The following PTPRT variants were observed in gnomAD, a reference collection of about 807,000 sequenced individuals.
PTPRT encodes receptor-type tyrosine-protein phosphatase T.
Under a neutral mutation model 176.8 loss-of-function variants are expected in PTPRT, and 56 were observed. The ratio of observed to expected loss-of-function variants is 0.32; its 90% CI spans 0.26 to 0.40. The LOEUF (loss-of-function observed/expected upper bound fraction) is 0.40. Ranked by LOEUF, PTPRT falls within the 10% of genes least tolerant of loss-of-function variation. The pLI is 1.00. For synonymous variants in PTPRT, 783 were observed against 739.0 expected (o/e 1.06, Z -0.96); for missense variants, 1,540 against 1,908.2 (o/e 0.81, Z 3.60).
intron 1 of PTPRT, among the ~76,000 whole-genome samples, chr20:43,113,690 A>G (rs1335785340): frequency 6.6e-6 from 1 of 152,196 alleles, no homozygotes; most frequent in Admixed American, 6.5e-5. Context: ...CGAACCAAGG[A>G]TAGACTTAAA....
At chr20:42,068,083 A>G (rs566375078), downstream of PTPRT, among the ~76,000 whole-genome samples, 3 of 152,178 alleles carry the variant, frequency 2.0e-5, no homozygotes, top group African/African-American at 7.2e-5. Context: ...GAGAGGAGGA[A>G]GCATTTGTTC....
intron 8 of PTPRT, 59 bp from the exon 9 acceptor site, chr20:42,448,388 G>A (rs41279246): frequency 0.015 from 19,868 of 1,338,844 alleles, 180 homozygotes; most frequent in Non-Finnish European, 0.018. Context: ...CTCCAGCCCC[G>A]CTGACCTAGA....
rs944036684 is a variant in PTPRT at position 42,211,189 on chromosome 20, A to T, written c.2343-11801T>A. On this transcript the variant is annotated intron_variant, in intron 15 of 30. Coordinates refer to ENST00000373187, the MANE Select transcript of PTPRT (RefSeq NM_007050.6). ...TAAACGTTAGACCTAAAACCATAAA[A>T]ACCCTAGAAGGAAACCTAGGCATTA... Among the ~76,000 whole-genome samples, 294 of 152,322 alleles carry T rather than the reference A, an allele frequency of 1.9e-3. 3 individuals carry two copies. Among genetic ancestry groups the T allele is most frequent in the African/African-American group, 6.6e-3 (274 of 41,556 alleles).
At chr20:42,825,482 CA>C (rs1480444071) in intron 2 of PTPRT, among the ~76,000 whole-genome samples, 76 of 152,116 alleles carry the variant, frequency 5.0e-4, no homozygotes, top group African/African-American at 1.8e-3. Context: ...AGCCATGTAA[CA>C]GGACTTATAG....
intron 7 of PTPRT, among the ~76,000 whole-genome samples, chr20:42,593,058 A>C (rs910926851): frequency 2.0e-5 from 3 of 152,188 alleles, no homozygotes; most frequent in African/African-American, 4.8e-5. Flanking sequence ...TCTTCCGACT[A>C]AGTAATAGGG....
intron 6 of PTPRT, among the ~76,000 whole-genome samples, chr20:42,749,699 T>C (rs2076742852): frequency 1.3e-5 from 2 of 152,212 alleles, no homozygotes; most frequent in African/African-American, 4.8e-5. Flanking sequence ...AGCACAGATT[T>C]GCATGATTCT....
At chr20:42,411,511 C>T (rs2059016810) in intron 9 of PTPRT, among the ~76,000 whole-genome samples, 1 of 86,342 alleles carries the variant, frequency 1.2e-5, no homozygotes, top group Non-Finnish European at 2.2e-5. Flanking sequence ...GAGCTAAACC[C>T]TGTCTCAAAA....
intron 13 of PTPRT, among the ~76,000 whole-genome samples, chr20:42,277,601 GAAA>G (rs1192983516): frequency 6.6e-6 from 1 of 152,166 alleles, no homozygotes; most frequent in Non-Finnish European, 1.5e-5. Context: ...CTGATGGGCA[GAAA>G]AATAATAGGG....
chr20:42,434,285 C>G (rs2059241983), intron 9 of PTPRT, among the ~76,000 whole-genome samples: 1 of 152,070 alleles, frequency 6.6e-6, no homozygotes, highest in South Asian at 2.1e-4. Flanking sequence ...TTGAATATCT[C>G]TTACGCCTGT....
intron 11 of PTPRT, among the ~76,000 whole-genome samples, chr20:42,340,756 GT>G (rs1258364039): frequency 6.6e-6 from 1 of 151,652 alleles, no homozygotes; most frequent in Non-Finnish European, 1.5e-5. Context: ...AGAGCCATCG[GT>G]TATCAGCTGT....
intron 11 of PTPRT, among the ~76,000 whole-genome samples, chr20:42,333,450 G>A (rs1314266874): frequency 6.6e-6 from 1 of 151,886 alleles, no homozygotes; most frequent in African/African-American, 2.4e-5. Context: ...TCCTGCCTCA[G>A]CCTCCCGAGT....
intron 14 of PTPRT, among the ~76,000 whole-genome samples, chr20:42,245,201 T>C (rs369481521): frequency 1.3e-5 from 2 of 152,142 alleles, no homozygotes; most frequent in African/African-American, 4.8e-5. Flanking sequence ...ATGGATATTG[T>C]GTAGTTGGTG....
intron 1 of PTPRT, among the ~76,000 whole-genome samples, chr20:42,900,438 C>T (rs1322359949): frequency 2.0e-5 from 3 of 152,178 alleles, no homozygotes; most frequent in South Asian, 2.1e-4. Flanking sequence ...ATGCCCAAGT[C>T]CTGTCATCTC....
At chr20:42,934,816 C>A (rs1249024361) in intron 1 of PTPRT, among the ~76,000 whole-genome samples, 1 of 152,064 alleles carries the variant, frequency 6.6e-6, no homozygotes, top group Non-Finnish European at 1.5e-5. Flanking sequence ...CATCTGTAAT[C>A]CCAGCACTTT....
chr20:43,176,438 G>A (rs1212886376), intron 1 of PTPRT, among the ~76,000 whole-genome samples: 2 of 152,210 alleles, frequency 1.3e-5, no homozygotes, highest in African/African-American at 4.8e-5. Flanking sequence ...ATATTACAAA[G>A]AGAAGTGCAA....
intron 9 of PTPRT, among the ~76,000 whole-genome samples, chr20:42,384,646 A>T (rs546457571): frequency 6.6e-6 from 1 of 152,224 alleles, no homozygotes; most frequent in Non-Finnish European, 1.5e-5. Context: ...GCTGGGTCAC[A>T]TGGTAATTCT....
chr20:42,678,004 T>A lies in PTPRT; in HGVS notation c.1015A>T (p.Ile339Leu), dbSNP rs1569077282. 1 of 1,614,196 alleles carries A rather than the reference T, an allele frequency of 6.2e-7. No homozygotes were observed. The highest frequency in any genetic ancestry group is 8.5e-7 in the Non-Finnish European group (1 of 1,180,042). The change falls in exon 7 of 31, where the codon ATA (isoleucine) becomes TTA (leucine). Residue 339 changes from isoleucine (I) to leucine (L), a missense_variant. Coordinates refer to ENST00000373187, the MANE Select transcript of PTPRT (RefSeq NM_007050.6). ...AGCTTATAGTTGGGAGAGTCGACTA[T>A]GTGGGTCTCTGCCCACGTGCCTGTG... is the stretch of plus-strand genomic sequence containing the variant. ...TTTGTWAETH[I>L]VDSPNYKLWH...
chr20:42,451,414 C>T (rs2070824465), intron 8 of PTPRT, among the ~76,000 whole-genome samples: 1 of 151,896 alleles, frequency 6.6e-6, no homozygotes, highest in Admixed American at 6.6e-5. Flanking sequence ...ATCCAAGTGG[C>T]AATGCTGAGT....
chr20:42,672,534 T>C (rs1489414216), intron 7 of PTPRT, among the ~76,000 whole-genome samples: 3 of 152,134 alleles, frequency 2.0e-5, no homozygotes, highest in South Asian at 2.1e-4. Context: ...CTCTCAGCCA[T>C]CTAAACTGAA....
Sources: allele counts gnomAD v4.1 joint callset (sites outside exome capture counted in the v4.1 genomes callset), GRCh38; gene constraint gnomAD v4.1.1; transcripts MANE v1.5; gene names NCBI Gene and HGNC (gene_info 2026-07-23, HGNC 2026-07-21).